Variants in TOX observed in about 807,000 individuals in gnomAD.
The protein encoded by TOX is thymocyte selection-associated high mobility group box protein TOX.
A neutral mutation model predicts 53.7 loss-of-function variants in TOX; 11 were observed. The ratio of observed to expected loss-of-function variants is 0.20; its 90% CI spans 0.13 to 0.34. The LOEUF (loss-of-function observed/expected upper bound fraction) is 0.34. Ranked by LOEUF, TOX falls within the 10% of genes least tolerant of loss-of-function variation. TOX has a pLI of 1.00. For synonymous variants in TOX, 225 were observed against 245.3 expected (o/e 0.92, Z 0.77); for missense variants, 570 against 664.6 (o/e 0.86, Z 1.56).
In TOX at chr8:58,815,331, C is replaced by A. The variant is rs771034129; in HGVS notation, c.1392+7G>T. 5 of 1,585,744 alleles carry A rather than the reference C, an allele frequency of 3.2e-6. No homozygotes were observed. Among genetic ancestry groups the A allele is most frequent in the Non-Finnish European group, 4.3e-6 (5 of 1,165,228 alleles). ...GCACACTCTAAGTCCAGAGCCATTG[C>A]ACTTACTTGCTGCATGGTGGGTGAG... On this transcript the variant is annotated splice_region_variant and intron_variant, in intron 7 of 8. Coordinates refer to ENST00000361421, the MANE Select transcript of TOX (RefSeq NM_014729.3).
chr8:58,881,632 G>A (rs1357595315), intron 3 of TOX, among the ~76,000 whole-genome samples: 4 of 149,906 alleles, frequency 2.7e-5, no homozygotes, highest in African/African-American at 4.9e-5. Flanking sequence ...GCTGAGGCAC[G>A]AGAATCGCTG....
At chr8:59,012,459 C>T (rs946466019) in intron 1 of TOX, among the ~76,000 whole-genome samples, 1 of 151,914 alleles carries the variant, frequency 6.6e-6, no homozygotes, top group Non-Finnish European at 1.5e-5. Flanking sequence ...GAGAACCTGA[C>T]CTGACCCCAT....
In TOX at chr8:58,851,166, C is replaced by CTCTCTG. The variant is rs1554524178; in HGVS notation, c.693+357_693+358insCAGAGA. The stretch of plus-strand genomic sequence containing the variant: ...ATCTCCTCTCTCTCTCTGTCTCTCT[C>CTCTCTG]TCTCTCTCTCTCTCTCTCTCACACA... On this transcript the variant is annotated intron_variant, in intron 4 of 8. Transcript: ENST00000361421. The surrounding 1 kb of genome is among the most constrained non-coding windows in gnomAD (Gnocchi z 4.4). 1.5e-5 allele frequency among the ~76,000 whole-genome samples: 2 copies of CTCTCTG among 136,392 alleles called. No individual in the cohort carries two copies. Among genetic ancestry groups the CTCTCTG allele is most frequent in the African/African-American group, 3.0e-5 (1 of 33,214 alleles). The allele number at this position is 136,392 out of a possible 152,430, so 89.5% of individuals were successfully genotyped here.
chr8:58,978,146 G>T (rs1473062977), intron 1 of TOX, among the ~76,000 whole-genome samples: 1 of 152,154 alleles, frequency 6.6e-6, no homozygotes, highest in African/African-American at 2.4e-5. Flanking sequence ...TTTCAACAGG[G>T]TAGGCATGGG....
intron 1 of TOX, among the ~76,000 whole-genome samples, chr8:59,059,009 G>A (rs1803933108): frequency 6.6e-6 from 1 of 152,164 alleles, no homozygotes; most frequent in African/African-American, 2.4e-5. Flanking sequence ...TAGAATGTAG[G>A]AGGCAAACAG....
chr8:58,948,257 T>C (rs1289361525), intron 2 of TOX, among the ~76,000 whole-genome samples: 1 of 152,110 alleles, frequency 6.6e-6, no homozygotes, highest in Non-Finnish European at 1.5e-5. Flanking sequence ...TGGGGCAGGG[T>C]AGCCCTAATA....
chr8:58,848,209 A>G (rs1810749634), intron 4 of TOX, among the ~76,000 whole-genome samples: 1 of 152,062 alleles, frequency 6.6e-6, no homozygotes. Context: ...ATATAGCTGT[A>G]TTCCAGGGAC....
intron 5 of TOX, among the ~76,000 whole-genome samples, chr8:58,835,767 T>A (rs186429708): frequency 1.3e-5 from 2 of 152,062 alleles, no homozygotes; most frequent in Non-Finnish European, 2.9e-5. Flanking sequence ...GGAAAATGAT[T>A]AGGAAAATGT....
In TOX at chr8:58,892,717, T is replaced by G. The variant is rs144165881; in HGVS notation, c.412-40912A>C. Among the ~76,000 whole-genome samples, 334 of 152,258 alleles carry G rather than the reference T, an allele frequency of 2.2e-3. 1 individual carries two copies. The highest frequency in any genetic ancestry group is 7.4e-3 in the African/African-American group (308 of 41,556). ...AGGTTAAATGTATGGACTGTATTGCTTGCACGAGGTGGCCTTTGGAGATGT... is the reference window on the plus strand; with the variant it reads ...AGGTTAAATGTATGGACTGTATTGCGTGCACGAGGTGGCCTTTGGAGATGT... On this transcript the variant is annotated intron_variant, in intron 3 of 8. Coordinates refer to ENST00000361421, the MANE Select transcript of TOX (RefSeq NM_014729.3).
chr8:59,045,440 T>C (rs1384249150), intron 1 of TOX, among the ~76,000 whole-genome samples: 4 of 152,212 alleles, frequency 2.6e-5, no homozygotes, highest in South Asian at 2.1e-4. Flanking sequence ...GGTGCAAAAA[T>C]AATTCTGCTG....
At chr8:58,968,059 A>T (rs1005275487) in intron 1 of TOX, among the ~76,000 whole-genome samples, 2 of 152,240 alleles carry the variant, frequency 1.3e-5, no homozygotes, top group African/African-American at 4.8e-5. Context: ...AGAAACAAGA[A>T]TTGCCTATAT....
At chr8:59,067,661 G>A (rs1409900077) in intron 1 of TOX, among the ~76,000 whole-genome samples, 5 of 151,852 alleles carry the variant, frequency 3.3e-5, no homozygotes, top group Admixed American at 1.3e-4. Flanking sequence ...TTCGTAAATG[G>A]CAGAGATAGG....
At chr8:59,093,891 T>C (rs943785288) in intron 1 of TOX, among the ~76,000 whole-genome samples, 12 of 152,164 alleles carry the variant, frequency 7.9e-5, no homozygotes, top group African/African-American at 2.7e-4. Context: ...CTGCAGAAAA[T>C]GTCACATCAT....
chr8:59,019,810 T>C (rs1814088102), intron 1 of TOX, among the ~76,000 whole-genome samples: 1 of 152,216 alleles, frequency 6.6e-6, no homozygotes, highest in Non-Finnish European at 1.5e-5. Context: ...CAGATTATCA[T>C]TTCACTCGGT....
At chr8:58,991,252 T>C (rs981997602) in intron 1 of TOX, among the ~76,000 whole-genome samples, 9 of 152,174 alleles carry the variant, frequency 5.9e-5, no homozygotes, top group East Asian at 1.9e-4. Context: ...TTATCCTATT[T>C]AGTGAAGCTG....
At chr8:58,881,364 G>A (rs1811379628) in intron 3 of TOX, among the ~76,000 whole-genome samples, 1 of 150,944 alleles carries the variant, frequency 6.6e-6, no homozygotes, top group Admixed American at 6.6e-5. Flanking sequence ...TCATTTTTGT[G>A]AGGAGCAGCA....
At chr8:59,037,801 C>CAA (rs769397049) in intron 1 of TOX, among the ~76,000 whole-genome samples, 2,054 of 97,924 alleles carry the variant, frequency 0.021, 59 homozygotes, top group South Asian at 0.081. Flanking sequence ...GACTCCATCT[C>CAA]AAAAAAAAAA....
intron 1 of TOX, among the ~76,000 whole-genome samples, chr8:59,026,624 C>T (rs920639198): frequency 1.3e-5 from 2 of 151,976 alleles, no homozygotes; most frequent in African/African-American, 2.4e-5. Flanking sequence ...AAGCCTGTAA[C>T]CCTTGGACAC....
intron 2 of TOX, among the ~76,000 whole-genome samples, chr8:58,955,954 C>T (rs1235594248): frequency 6.6e-5 from 10 of 151,996 alleles, no homozygotes; most frequent in African/African-American, 2.4e-4. Flanking sequence ...AGGCTGGTCT[C>T]GAACTCCTGA....
Sources: gnomAD v4.1 joint callset for allele counts (sites outside exome capture counted in the v4.1 genomes callset) on GRCh38, gnomAD v4.1.1 for gene constraint, Gnocchi (gnomAD v3.1) non-coding constraint, MANE v1.5 for transcripts, NCBI Gene and HGNC (gene_info 2026-07-23, HGNC 2026-07-21) for gene names.